Variants in IGFN1 observed in about 807,000 individuals in gnomAD.
IGFN1 encodes the protein immunoglobulin like and fibronectin type III domain containing 1.
Under a neutral mutation model 289.5 loss-of-function variants are expected in IGFN1, and 253 were observed. The observed-to-expected ratio is 0.87, with a 90% CI of 0.79 to 0.97. The LOEUF is 0.97. Among genes scored for constraint, IGFN1 ranks in the 50% least tolerant of loss-of-function variants. The pLI is 0.00. For synonymous variants in IGFN1, 1,706 were observed against 1,788.5 expected (o/e 0.95, Z 1.16); for missense variants, 4,470 against 4,686.1 (o/e 0.95, Z 1.35).
In IGFN1 at chr1:201,227,061, G is replaced by A. The variant is rs759805312; in HGVS notation, c.10966G>A (p.Gly3656Arg). The change falls in exon 23 of 24, where the codon GGA (glycine) becomes AGA (arginine). Residue 3656 changes from glycine to arginine, a missense_variant. Gly to Arg is a moderately radical substitution (Grantham distance 125, BLOSUM62 -2). This residue lies in a region of IGFN1 where 2,218 missense variants were observed against 2,114.1 expected (regional missense o/e 1.05). Coordinates refer to ENST00000335211, the MANE Select transcript of IGFN1 (RefSeq NM_001164586.2). ...TWFKNDRSLE[G>R]NPAVYSTDLL... is the part of the protein sequence containing the mutation. ...GTTCAAGAATGACCGCAGCCTGGAA[G>A]GAAACCCCGCGGTGTACAGCACTGA... 1.2e-6 allele frequency: 2 copies of A among 1,613,662 alleles called. No individual in the cohort carries two copies. The highest frequency in any genetic ancestry group is 1.1e-5 in the South Asian group (1 of 91,078).
chr1:201,211,184 A>G lies in IGFN1; in HGVS notation c.6291A>G (p.Glu2097=), dbSNP rs2102345093. 1 of 1,530,462 alleles carries G rather than the reference A, an allele frequency of 6.5e-7. No homozygotes were observed. Among genetic ancestry groups the G allele is most frequent in the Non-Finnish European group, 8.7e-7 (1 of 1,144,454 alleles). 94.8% of individuals were successfully genotyped at this position (1,530,462 alleles called of 1,614,324 possible). The change falls in exon 12 of 24, where the codon GAA becomes GAG. Residue 2097 remains glutamate (E), a synonymous_variant. Coordinates refer to ENST00000335211, the MANE Select transcript of IGFN1 (RefSeq NM_001164586.2). ...GGGATGGTTTAGGGGGTTCTGAAGA[A>G]ATGGAGTCAATGGATGAGGCAGGTT... The part of the protein sequence containing the change: ...GFRDGLGGSE[E]MESMDEAGYR...
In IGFN1 at chr1:201,207,980, A is replaced by G; in HGVS notation, c.3087A>G (p.Ala1029=). Residue 1029 remains alanine, a synonymous_variant, in exon 12 of 24, where the codon GCA becomes GCG. Coordinates refer to ENST00000335211, the MANE Select transcript of IGFN1 (RefSeq NM_001164586.2). ...CTGGAAATGAAGATTCTGGCCCTGC[A>G]GGAGGAGGGTCTGGGAGAGTTGCCA... ...VWSGNEDSGP[A]GGGSGRVASL... is the part of the protein sequence containing the mutation. The G allele has an allele frequency of 2.0e-6, 3 of 1,536,914 alleles. No individual in the cohort carries two copies. Among genetic ancestry groups the G allele is most frequent in the Non-Finnish European group, 2.6e-6 (3 of 1,146,826 alleles).
intron 17 of IGFN1, among the ~76,000 whole-genome samples, chr1:201,218,004 CAGA>C (rs1653444936): frequency 1.3e-5 from 2 of 152,210 alleles, no homozygotes; most frequent in Admixed American, 1.3e-4. Flanking sequence ...AAGGGCTGGG[CAGA>C]TGCTGAAGGG....
In IGFN1 at chr1:201,212,583, G is replaced by T. The variant is rs868852320; in HGVS notation, c.7690G>T (p.Gly2564Cys). The T allele has an allele frequency of 5.2e-6, 8 of 1,549,358 alleles. No homozygotes were observed. In the African/African-American group the frequency reaches 9.6e-5, roughly 19 times the overall value. The change falls in exon 12 of 24, where the codon GGT becomes TGT. Residue 2564 changes from glycine to cysteine, a missense_variant. Physicochemically the swap from Gly to Cys is radical, Grantham distance 159 (BLOSUM62 -3). Coordinates refer to ENST00000335211, the MANE Select transcript of IGFN1 (RefSeq NM_001164586.2). ...WKAGPGMTDR[G>C]RVAGQGGLAS... ...AGCAGGCCCAGGAATGACAGACAGGGGTAGAGTTGCTGGCCAGGGGGGGTT... is the reference window on the plus strand; with the variant it reads ...AGCAGGCCCAGGAATGACAGACAGGTGTAGAGTTGCTGGCCAGGGGGGGTT...
At chr1:201,215,495 G>A (rs751459799) in intron 14 of IGFN1, 44 bp from the exon 15 acceptor site, 1 of 1,487,024 alleles carries the variant, frequency 6.7e-7, no homozygotes, top group African/African-American at 1.4e-5. Flanking sequence ...TTCCCCAGGT[G>A]CCCAGTGCCC....
In IGFN1 at chr1:201,207,515, T is replaced by C; in HGVS notation, c.2622T>C (p.Ala874=). ...AGGGTATGGGTGGTATCTGGGTGGCTGGACTGACGGAGTCTGGTCAGGGGG... is the reference window on the plus strand; with the variant it reads ...AGGGTATGGGTGGTATCTGGGTGGCCGGACTGACGGAGTCTGGTCAGGGGG... The part of the protein sequence containing the change: ...GQEGMGGIWV[A]GLTESGQGVD... The change falls in exon 12 of 24, where the codon GCT becomes GCC. Residue 874 remains alanine, a synonymous_variant. Coordinates refer to ENST00000335211, the MANE Select transcript of IGFN1 (RefSeq NM_001164586.2). 1.3e-6 allele frequency: 2 copies of C among 1,535,896 alleles called. No individual in the cohort carries two copies. Among genetic ancestry groups the C allele is most frequent in the Non-Finnish European group, 1.7e-6 (2 of 1,146,282 alleles).
Position 201,206,210 on chromosome 1 carries a change from C to A in IGFN1, c.1317C>A (p.Gly439=). The A allele has an allele frequency of 6.5e-7, 1 of 1,548,632 alleles. No individual in the cohort carries two copies. Among genetic ancestry groups the A allele is most frequent in the Middle Eastern group, 1.7e-4 (1 of 5,978 alleles). Residue 439 remains glycine, a synonymous_variant, in exon 12 of 24, where the codon GGC becomes GGA. Transcript: ENST00000335211. ...ESQGEKSREQ[G]PRGGSLEGAG... ...AGGGAGAGAAATCCAGAGAGCAGGG[C>A]CCCAGGGGGGGCTCCCTTGAAGGGG...
Position 201,201,824 on chromosome 1 carries a change from C to A in IGFN1, c.739C>A (p.Leu247Met). The change falls in exon 9 of 24, where the codon CTG becomes ATG. Residue 247 changes from leucine to methionine, a missense_variant. Leu to Met is a conservative substitution (Grantham distance 15). Around this residue, in one of 8 missense-constraint regions of IGFN1, gnomAD observed 2,011 missense variants for 1,953.4 expected, o/e 1.03. Transcript: ENST00000335211. ...CAAGGATTCTCAGAGCAAGATTTAC[C>A]TGTATAAGGTGAGGCTGGAGGGGCT... ...DLKDSQSKIYLYKDGEMIPYG... is the reference protein window; with the variant it reads ...DLKDSQSKIYMYKDGEMIPYG... 6.9e-7 allele frequency: 1 copy of A among 1,457,720 alleles called. No individual in the cohort carries two copies. The highest frequency in any genetic ancestry group is 9.4e-7 in the Non-Finnish European group (1 of 1,063,370). The allele number at this position is 1,457,720 out of a possible 1,614,324, so 90.3% of individuals were successfully genotyped here. A position where few individuals can be genotyped will look rare whatever the true frequency, so the allele number is the denominator to read the frequency against.
In IGFN1 at chr1:201,205,242, C is replaced by T. The variant is rs142181533; in HGVS notation, c.1077C>T (p.Ser359=). 2.0e-4 allele frequency: 313 copies of T among 1,550,930 alleles called. 1 individual carries two copies. In the African/African-American group the frequency reaches 3.8e-3, roughly 19 times the overall value. Residue 359 remains serine, a synonymous_variant, in exon 11 of 24, where the codon TCC becomes TCT. Transcript: ENST00000335211. ...GTGACAAATATGAAGTGTATGTGTCCCCTGACGGGCTGACCCACCGGCTGG... is the reference window on the plus strand; with the variant it reads ...GTGACAAATATGAAGTGTATGTGTCTCCTGACGGGCTGACCCACCGGCTGG... ...HPSDKYEVYV[S]PDGLTHRLVV...
At chr1:201,197,028 T>A (rs1053139224) in intron 4 of IGFN1, among the ~76,000 whole-genome samples, 190 bp from the exon 5 acceptor site, 11 of 152,216 alleles carry the variant, frequency 7.2e-5, no homozygotes, top group African/African-American at 2.2e-4. Flanking sequence ...TGGCAAAGAA[T>A]TGATACATCC....
At position 201,218,519 on chromosome 1, in the gene IGFN1, G is replaced by A. The variant is rs1336541331; in HGVS notation, c.9770-11G>A. On this transcript the variant is annotated splice_polypyrimidine_tract_variant and intron_variant, in intron 17 of 23. Transcript: ENST00000335211. ...ATCAGGGTGGGACTCACATGGGCGG[G>A]CTGTTCACAGAGAGGAGGTGGACGG... The A allele has an allele frequency of 6.2e-7, 1 of 1,609,936 alleles. No homozygotes were observed. The highest frequency in any genetic ancestry group is 1.1e-5 in the South Asian group (1 of 90,492).
chr1:201,211,934 T>A lies in IGFN1; in HGVS notation c.7041T>A (p.Ser2347=). ...EVSYRGGSGG[S]GETGPEGKMG... is the part of the protein sequence containing the mutation. ...GTTATAGAGGAGGCTCAGGAGGATC[T>A]GGGGAAACGGGACCAGAGGGTAAGA... The change falls in exon 12 of 24, where the codon TCT becomes TCA. Residue 2347 remains serine (S), a synonymous_variant. Transcript: ENST00000335211. The A allele has an allele frequency of 6.5e-7, 1 of 1,527,442 alleles. No individual in the cohort carries two copies. The highest frequency in any genetic ancestry group is 8.8e-7 in the Non-Finnish European group (1 of 1,141,880). 94.6% of individuals were successfully genotyped at this position (1,527,442 alleles called of 1,614,324 possible). A position where few individuals can be genotyped will look rare whatever the true frequency, so the allele number is the denominator to read the frequency against.
At position 201,226,990 on chromosome 1, in the gene IGFN1, G is replaced by A. The variant is rs1654142435; in HGVS notation, c.10895G>A (p.Cys3632Tyr). 1.2e-6 allele frequency: 2 copies of A among 1,613,320 alleles called. No homozygotes were observed. Reference sequence around the variant, plus strand: ...CTGCTGCCCCAGGGCTGCGAGTGCTGCATGAGCTGTGCCGTGCAGGGCTCG... The same window carrying A: ...CTGCTGCCCCAGGGCTGCGAGTGCTACATGAGCTGTGCCGTGCAGGGCTCG... ...SHLLPQGCEC[C>Y]MSCAVQGSPR... The change falls in exon 23 of 24, where the codon TGC (cysteine) becomes TAC (tyrosine). Residue 3632 changes from cysteine (C) to tyrosine (Y), a missense_variant. Physicochemically the swap from Cys to Tyr is radical, Grantham distance 194. Transcript: ENST00000335211.
In IGFN1 at chr1:201,211,235, G is replaced by A. The variant is rs1488113132; in HGVS notation, c.6342G>A (p.Glu2114=). The change falls in exon 12 of 24, where the codon GAG becomes GAA. Residue 2114 remains glutamate (E), a synonymous_variant. Transcript: ENST00000335211. ...ATAGGAAGGATTTGGGGGCTCCTGA[G>A]GGAATAGGTTCAGGAAGTAAGGCAG... ...AGYRKDLGAP[E]GIGSGSKAGF... is the part of the protein sequence containing the mutation. 2 of 1,533,388 alleles carry A rather than the reference G, an allele frequency of 1.3e-6. No homozygotes were observed. The highest frequency in any genetic ancestry group is 1.7e-6 in the Non-Finnish European group (2 of 1,145,118). The allele number at this position is 1,533,388 out of a possible 1,614,324, so 95.0% of individuals were successfully genotyped here.
chr1:201,213,175 G>A lies in IGFN1; in HGVS notation c.8282G>A (p.Ser2761Asn). The A allele has an allele frequency of 6.4e-7, 1 of 1,551,658 alleles. No individual in the cohort carries two copies. Among genetic ancestry groups the A allele is most frequent in the Non-Finnish European group, 8.7e-7 (1 of 1,146,966 alleles). ...RDRSGGTQDL[S>N]SQRGKGQRGG... is the part of the protein sequence containing the mutation. ...AGGTCAGGAGGGACCCAGGACCTGA[G>A]CTCTCAGCGAGGCAAGGGACAGAGA... The change falls in exon 12 of 24, where the codon AGC becomes AAC. Residue 2761 changes from serine (S) to asparagine (N), a missense_variant. Physicochemically the swap from Ser to Asn is conservative, Grantham distance 46 (BLOSUM62 1). Transcript: ENST00000335211.
chr1:201,193,199 G>A (rs1666734522), intron 1 of IGFN1, 48 bp from the exon 2 acceptor site: 2 of 924,438 alleles, frequency 2.2e-6, no homozygotes, highest in African/African-American at 3.2e-5. Flanking sequence ...GAGGGGTGGG[G>A]TGAGACCAGC....
intron 13 of IGFN1, among the ~76,000 whole-genome samples, chr1:201,214,733 G>A (rs1039972171): frequency 7.9e-5 from 12 of 152,346 alleles, no homozygotes; most frequent in South Asian, 2.1e-4. Flanking sequence ...TCTGGCTTCA[G>A]ATCCCAGCTC....
chr1:201,216,400 C>T (rs1653287661), intron 15 of IGFN1, 54 bp from the exon 16 acceptor site: 9 of 1,421,096 alleles, frequency 6.3e-6, no homozygotes, highest in Non-Finnish European at 8.4e-6. Context: ...TGGCGCTGCT[C>T]CCCTCCAGCT....
Position 201,212,750 on chromosome 1 carries a change from A to C in IGFN1, c.7857A>C (p.Gln2619His). Residue 2619 changes from glutamine to histidine, a missense_variant, in exon 12 of 24, where the codon CAA becomes CAC. Physicochemically the swap from Gln to His is conservative, Grantham distance 24. Coordinates refer to ENST00000335211, the MANE Select transcript of IGFN1 (RefSeq NM_001164586.2). ...GKSTSGPADRQGTSNAWAPDW... is the reference protein window; with the variant it reads ...GKSTSGPADRHGTSNAWAPDW... ...CAACATCAGGGCCTGCTGATAGACA[A>C]GGGACGAGCAATGCTTGGGCTCCTG... The C allele has an allele frequency of 1.3e-6, 2 of 1,551,546 alleles. No homozygotes were observed. The highest frequency in any genetic ancestry group is 2.4e-5 in the South Asian group (2 of 84,048).
Sources: allele counts gnomAD v4.1 joint callset (sites outside exome capture counted in the v4.1 genomes callset), GRCh38; gene constraint gnomAD v4.1.1; regional missense constraint gnomAD v4.1.1; transcripts MANE v1.5; gene names NCBI Gene and HGNC (gene_info 2026-07-23, HGNC 2026-07-21).